NTM: variants seen among roughly 807,000 people sequenced by gnomAD.
The protein encoded by NTM is IgLON family member 2.
In NTM, 13 loss-of-function variants were observed where a neutral mutation model predicts 42.1. The observed-to-expected ratio is 0.31, with a 90% CI of 0.20 to 0.49. The LOEUF (loss-of-function observed/expected upper bound fraction) is 0.49. NTM is among the 20% of genes least tolerant of loss of function. The probability of loss-of-function intolerance (pLI) is 0.99; values close to 1 mark genes in which losing one functional copy is unlikely to be tolerated. For missense variants in NTM, 373 were observed against 452.8 expected, an observed-to-expected ratio of 0.82 and a Z score of 1.60; for synonymous variants, 187 against 179.2, an observed-to-expected ratio of 1.04 and a Z score of -0.35.
At chr11:131,946,434 C>T (rs559890834) in intron 2 of NTM, among the ~76,000 whole-genome samples, 68 of 152,072 alleles carry the variant, frequency 4.5e-4, no homozygotes, top group African/African-American at 1.6e-3. Context: ...TGATCTTTGC[C>T]GCTCTCAAAA....
intron 2 of NTM, among the ~76,000 whole-genome samples, chr11:132,131,314 C>A (rs977596037): frequency 6.6e-6 from 1 of 152,132 alleles, no homozygotes; most frequent in African/African-American, 2.4e-5. Context: ...AGGACAGATG[C>A]CTGCTGCAGT....
intron 1 of NTM, among the ~76,000 whole-genome samples, chr11:131,483,209 C>T (rs1393529607): frequency 4.6e-5 from 7 of 152,186 alleles, no homozygotes; most frequent in Non-Finnish European, 8.8e-5. Context: ...TTTGCCTCCT[C>T]CTTCACCTTA....
chr11:131,548,380 A>C (rs1346588397), intron 1 of NTM, among the ~76,000 whole-genome samples: 1 of 152,164 alleles, frequency 6.6e-6, no homozygotes, highest in Non-Finnish European at 1.5e-5. Context: ...AAGGCATAAA[A>C]ATTATTATTT....
chr11:131,701,070 A>T (rs2076023627), intron 1 of NTM, among the ~76,000 whole-genome samples: 1 of 152,214 alleles, frequency 6.6e-6, no homozygotes, highest in Non-Finnish European at 1.5e-5. Context: ...AAAGTAATAA[A>T]ATATTTCTTT....
At chr11:132,189,688 T>G (rs1415651351) in intron 3 of NTM, among the ~76,000 whole-genome samples, 1 of 151,514 alleles carries the variant, frequency 6.6e-6, no homozygotes, top group African/African-American at 2.4e-5. Context: ...GATACTTGAG[T>G]GCCTTTTGGA....
intron 1 of NTM, among the ~76,000 whole-genome samples, chr11:131,549,745 T>C (rs1296892479): frequency 1.3e-5 from 2 of 152,186 alleles, no homozygotes; most frequent in African/African-American, 4.8e-5. Flanking sequence ...TATTCAAAGC[T>C]ATTACATGCA....
In NTM at chr11:132,277,610, A is replaced by T. The variant is rs186322493; in HGVS notation, c.527-30079A>T. Among the ~76,000 whole-genome samples the T allele has an allele frequency of 1.1e-4, 16 of 152,330 alleles. No homozygotes were observed. The East Asian group carries it at 3.1e-3, about 29-fold the overall frequency. On this transcript the variant is annotated intron_variant, in intron 4 of 8. Coordinates refer to ENST00000683400, the MANE Select transcript of NTM (RefSeq NM_001352005.2). ...GAATTGAAACCAATCAGTATAAGGGATTATTTTTAATTTTGTTGGATGCCA... is the reference window on the plus strand; with the variant it reads ...GAATTGAAACCAATCAGTATAAGGGTTTATTTTTAATTTTGTTGGATGCCA...
intron 1 of NTM, among the ~76,000 whole-genome samples, chr11:131,808,962 A>C (rs1401289988): frequency 6.6e-6 from 1 of 152,224 alleles, no homozygotes; most frequent in African/African-American, 2.4e-5. Flanking sequence ...AAGATACATC[A>C]CACCTACCTA....
intron 1 of NTM, among the ~76,000 whole-genome samples, chr11:131,411,536 G>GGAGAGAAAA (rs2135755457): frequency 7.1e-6 from 1 of 140,368 alleles, no homozygotes; most frequent in Non-Finnish European, 1.5e-5. Flanking sequence ...TATTTAGGGG[G>GGAGAGAAAA]GGCCGTGTGT....
chr11:131,450,597 CTT>C (rs1317295473), intron 1 of NTM, among the ~76,000 whole-genome samples: 2 of 152,210 alleles, frequency 1.3e-5, no homozygotes, highest in Non-Finnish European at 2.9e-5. Context: ...CCTTCACACT[CTT>C]ATGCATGCTC....
chr11:132,317,514 G>C, intron 7 of NTM: 1 of 368,876 alleles, frequency 2.7e-6, no homozygotes. Flanking sequence ...TTTGGTTTCT[G>C]TCTTCCTTTT....
Position 132,146,349 on chromosome 11 carries a change from A to G in NTM, c.235A>G (p.Asn79Asp). ...CCGCAGCACCATCCTCTATGCTGGG[A>G]ATGACAAGTGGTGCCTGGATCCTCG... ...LNRSTILYAGNDKWCLDPRVV... is the reference protein window; with the variant it reads ...LNRSTILYAGDDKWCLDPRVV... Residue 79 changes from asparagine (N) to aspartate (D), a missense_variant, in exon 3 of 9, where the codon AAT (asparagine) becomes GAT (aspartate). Asn to Asp is a conservative substitution (Grantham distance 23). Coordinates refer to ENST00000683400, the MANE Select transcript of NTM (RefSeq NM_001352005.2). The surrounding 1 kb of genome is among the most constrained non-coding windows in gnomAD (Gnocchi z 4.5). 1 of 1,614,162 alleles carries G rather than the reference A, an allele frequency of 6.2e-7. No individual in the cohort carries two copies. The highest frequency in any genetic ancestry group is 8.5e-7 in the Non-Finnish European group (1 of 1,180,044).
At chr11:131,661,257 A>T (rs1304942660) in intron 1 of NTM, 1 of 302,298 alleles carries the variant, frequency 3.3e-6, no homozygotes, top group Non-Finnish European at 6.7e-6. Flanking sequence ...GTGAAGTTCC[A>T]AGTCAGAAAG....
chr11:131,669,184 A>AAGAG lies in NTM; in HGVS notation c.83-242362_83-242359dup, dbSNP rs149747833. ...TTTAACTAGAAGTTTCCCCCATCCAAAGAGAGAGAGAGAGAGAGAGAACAA... is the reference window on the plus strand; with the variant it reads ...TTTAACTAGAAGTTTCCCCCATCCAAAGAGAGAGAGAGAGAGAGAGAGAGAACAA... On this transcript the variant is annotated intron_variant, in intron 1 of 8. Transcript: ENST00000683400. Among the ~76,000 whole-genome samples, 637 of 149,814 alleles carry AAGAG rather than the reference A, an allele frequency of 4.3e-3. 5 individuals are homozygous for AAGAG. The highest frequency in any genetic ancestry group is 0.014 in the African/African-American group (594 of 41,026).
chr11:132,029,193 T>C (rs763105352), intron 2 of NTM, among the ~76,000 whole-genome samples: 1 of 152,088 alleles, frequency 6.6e-6, no homozygotes, highest in East Asian at 1.9e-4. Context: ...GAGGATCTCT[T>C]TTTTTTATTT....
At position 132,249,192 on chromosome 11, in the gene NTM, T is replaced by G. The variant is rs114129506; in HGVS notation, c.526+37045T>G. 2.2e-3 allele frequency among the ~76,000 whole-genome samples: 338 copies of G among 152,340 alleles called. 1 individual carries two copies. The highest frequency in any genetic ancestry group is 7.6e-3 in the African/African-American group (316 of 41,566). ...AAAGCAATCATATTCTAAATGAGCT[T>G]CATGAAGAATATGCCATTGCAGTAA... is the stretch of plus-strand genomic sequence containing the variant. On this transcript the variant is annotated intron_variant, in intron 4 of 8. Coordinates refer to ENST00000683400, the MANE Select transcript of NTM (RefSeq NM_001352005.2).
chr11:132,260,256 CT>C (rs11415025), intron 4 of NTM, among the ~76,000 whole-genome samples: 30 of 148,112 alleles, frequency 2.0e-4, no homozygotes, highest in East Asian at 2.0e-4. Flanking sequence ...ATCACCCAGC[CT>C]TTTTTTTTTT....
At chr11:132,225,024 T>C (rs1371540947) in intron 4 of NTM, among the ~76,000 whole-genome samples, 1 of 152,206 alleles carries the variant, frequency 6.6e-6, no homozygotes, top group African/African-American at 2.4e-5. Context: ...TCTACAAAAA[T>C]GATCATAACA....
At chr11:131,729,677 T>C (rs1414573141) in intron 1 of NTM, among the ~76,000 whole-genome samples, 6 of 152,208 alleles carry the variant, frequency 3.9e-5, no homozygotes, top group Non-Finnish European at 8.8e-5. Flanking sequence ...AAATATGAAA[T>C]TAATCAATAT....
Sources: gnomAD v4.1 joint callset for allele counts (sites outside exome capture counted in the v4.1 genomes callset) on GRCh38, gnomAD v4.1.1 for gene constraint, Gnocchi (gnomAD v3.1) non-coding constraint, MANE v1.5 for transcripts, NCBI Gene and HGNC (gene_info 2026-07-23, HGNC 2026-07-21) for gene names.